Variants in PRKN observed in about 807,000 individuals in gnomAD.
PRKN encodes E3 ubiquitin-protein ligase parkin.
Under a neutral mutation model 59.5 loss-of-function variants are expected in PRKN, and 56 were observed. The ratio of observed to expected loss-of-function variants is 0.94; its 90% CI spans 0.76 to 1.18. The LOEUF is 1.18. Ranked by LOEUF, PRKN falls within the 50% of genes most tolerant of loss-of-function variation. The pLI is 0.00. For missense variants in PRKN, 657 were observed against 596.4 expected (o/e 1.10, Z -1.06); for synonymous variants, 250 against 222.1 (o/e 1.13, Z -1.12).
chr6:162,038,951 G>C (rs1466079586), intron 5 of PRKN, among the ~76,000 whole-genome samples: 1 of 152,018 alleles, frequency 6.6e-6, no homozygotes, highest in Admixed American at 6.6e-5. Context: ...TCAGGAGATC[G>C]AGACCATCCT....
In PRKN at chr6:162,671,271, C is replaced by A. The variant is rs571416571; in HGVS notation, c.7+56391G>T. Among the ~76,000 whole-genome samples the A allele has an allele frequency of 8.5e-5, 13 of 152,100 alleles. No individual in the cohort carries two copies. In the South Asian group the frequency reaches 2.3e-3, roughly 27 times the overall value. On this transcript the variant is annotated intron_variant, in intron 1 of 11. Coordinates refer to ENST00000366898, the MANE Select transcript of PRKN (RefSeq NM_004562.3). ...ATCCCAGCACTTTGGGAGGCCGAGG[C>A]GGGTGGATCACAAGGTCAGGAGATC...
At chr6:162,234,807 G>A (rs1778578020) in intron 3 of PRKN, among the ~76,000 whole-genome samples, 1 of 152,216 alleles carries the variant, frequency 6.6e-6, no homozygotes, top group Admixed American at 6.5e-5. Context: ...ATCACTTGAA[G>A]AGCTGTCCTG....
chr6:162,468,034 T>TCATCACC (rs1791516928), intron 1 of PRKN, among the ~76,000 whole-genome samples: 1 of 152,172 alleles, frequency 6.6e-6, no homozygotes, highest in African/African-American at 2.4e-5. Flanking sequence ...AACTACTCTC[T>TCATCACC]CATCACCTTG....
chr6:162,584,747 T>TCCTCCCC (rs1780939657), intron 1 of PRKN, among the ~76,000 whole-genome samples: 6 of 146,592 alleles, frequency 4.1e-5, no homozygotes, highest in African/African-American at 1.6e-4. Flanking sequence ...CCTTTCTGGG[T>TCCTCCCC]TTCTTTCTTT....
In PRKN at chr6:162,694,255, A is replaced by AAG. The variant is rs988412436; in HGVS notation, c.7+33406_7+33407insCT. Among the ~76,000 whole-genome samples, 45 of 151,694 alleles carry AAG rather than the reference A, an allele frequency of 3.0e-4. No homozygotes were observed. The East Asian group carries it at 5.6e-3, about 19-fold the overall frequency. On this transcript the variant is annotated intron_variant, in intron 1 of 11. Transcript: ENST00000366898. ...GTGAGACAAAAAAAAAAAAAAAAAA[A>AAG]AAGAAGAAATATGGAGTGCTGGTAG... is the stretch of plus-strand genomic sequence containing the variant.
intron 6 of PRKN, among the ~76,000 whole-genome samples, chr6:161,868,539 C>T (rs1479971208): frequency 6.6e-6 from 1 of 152,096 alleles, no homozygotes; most frequent in Non-Finnish European, 1.5e-5. Flanking sequence ...TGAGATCACA[C>T]CACTGCACTC....
intron 1 of PRKN, among the ~76,000 whole-genome samples, chr6:162,581,841 T>A (rs1294268430): frequency 6.6e-6 from 1 of 152,198 alleles, no homozygotes; most frequent in Non-Finnish European, 1.5e-5. Flanking sequence ...TTAACTGAAC[T>A]ATCTGCACAT....
At chr6:162,514,231 CTTGG>C (rs1436480287) in intron 1 of PRKN, among the ~76,000 whole-genome samples, 5 of 151,456 alleles carry the variant, frequency 3.3e-5, no homozygotes, top group Non-Finnish European at 5.9e-5. Context: ...TTCAAACCCT[CTTGG>C]TTGGTTAGTT....
Position 162,642,946 on chromosome 6 carries a change from T to C in PRKN, c.7+84716A>G, listed in dbSNP as rs141844301. Among the ~76,000 whole-genome samples the C allele has an allele frequency of 8.3e-4, 127 of 152,248 alleles. 2 individuals are homozygous for C. The East Asian group carries it at 0.021, about 26-fold the overall frequency. On this transcript the variant is annotated intron_variant, in intron 1 of 11. Coordinates refer to ENST00000366898, the MANE Select transcript of PRKN (RefSeq NM_004562.3). ...TGTAAGACATAGTATGATTGAAGAA[T>C]ATAGGATATGGTGGATTGCGACATT...
intron 4 of PRKN, among the ~76,000 whole-genome samples, chr6:162,087,589 CTTTTTTT>C (rs35184111): frequency 6.8e-5 from 7 of 102,698 alleles, no homozygotes; most frequent in Admixed American, 1.2e-4. Context: ...AGAATAATTT[CTTTTTTT>C]TTTTTTTTTT....
intron 4 of PRKN, among the ~76,000 whole-genome samples, chr6:162,108,296 C>G (rs543144416): frequency 6.6e-6 from 1 of 152,300 alleles, no homozygotes; most frequent in Non-Finnish European, 1.5e-5. Context: ...CCTCTGGGAG[C>G]TTCCCCATGG....
chr6:161,793,836 T>C (rs1048691976), intron 6 of PRKN, among the ~76,000 whole-genome samples: 8 of 152,246 alleles, frequency 5.3e-5, no homozygotes, highest in African/African-American at 1.2e-4. Context: ...GTAAATATGT[T>C]ACAAAGGATT....
At chr6:161,817,906 G>A (rs768363821) in intron 6 of PRKN, among the ~76,000 whole-genome samples, 12 of 152,072 alleles carry the variant, frequency 7.9e-5, no homozygotes, top group African/African-American at 2.7e-4. Flanking sequence ...ACTTCCCACC[G>A]TTGCTCCAAG....
chr6:162,700,661 T>C (rs1029189216), intron 1 of PRKN, among the ~76,000 whole-genome samples: 1 of 152,136 alleles, frequency 6.6e-6, no homozygotes. Flanking sequence ...TTCTTGTTTC[T>C]GCTTGTTCTT....
chr6:161,425,831 T>TC (rs1013595895), intron 9 of PRKN, among the ~76,000 whole-genome samples: 1 of 152,126 alleles, frequency 6.6e-6, no homozygotes, highest in Non-Finnish European at 1.5e-5. Context: ...CATCAGTAAT[T>TC]CCCCCCATAT....
intron 9 of PRKN, among the ~76,000 whole-genome samples, chr6:161,416,779 C>T (rs1787873136): frequency 6.6e-6 from 1 of 152,166 alleles, no homozygotes; most frequent in East Asian, 1.9e-4. Flanking sequence ...AGGCTTGTAT[C>T]AACCGTGCTA....
chr6:162,217,955 C>T (rs892949938), intron 3 of PRKN, among the ~76,000 whole-genome samples: 1 of 152,112 alleles, frequency 6.6e-6, no homozygotes, highest in African/African-American at 2.4e-5. Context: ...AACATTCTGG[C>T]AGGATCTCTA....
intron 1 of PRKN, among the ~76,000 whole-genome samples, chr6:162,669,108 G>GT (rs770456327): frequency 3.3e-5 from 5 of 151,838 alleles, no homozygotes; most frequent in Non-Finnish European, 5.9e-5. Flanking sequence ...AAAATCCACA[G>GT]TTTTTTTTAT....
chr6:161,370,028 G>A (rs1055301295), intron 10 of PRKN: 1 of 437,272 alleles, frequency 2.3e-6, no homozygotes, highest in Admixed American at 2.4e-5. Flanking sequence ...TTATTACTTT[G>A]TTATTGTAAT....
Sources: gnomAD v4.1 joint callset for allele counts (sites outside exome capture counted in the v4.1 genomes callset) on GRCh38, gnomAD v4.1.1 for gene constraint, MANE v1.5 for transcripts, NCBI Gene and HGNC (gene_info 2026-07-23, HGNC 2026-07-21) for gene names.